Variants in NCOA1 observed in about 807,000 individuals in gnomAD.
The protein encoded by NCOA1 is Hin-2 protein.
Under a neutral mutation model 150.9 loss-of-function variants are expected in NCOA1, and 35 were observed. The ratio of observed to expected loss-of-function variants is 0.23; its 90% confidence interval spans 0.18 to 0.31. NCOA1 has a LOEUF of 0.31. NCOA1 is among the 10% of genes least tolerant of loss of function. The pLI is 1.00. For synonymous variants in NCOA1, 590 were observed against 630.0 expected (o/e 0.94, Z 0.95); for missense variants, 1,491 against 1,749.3 (o/e 0.85, Z 2.63).
chr2:24,729,806 A>G lies in NCOA1; in HGVS notation c.3192A>G (p.Gly1064=), dbSNP rs1489932692. ...LRLQLQQRLQ[G]QQQLIHQNRQ... ...TTCAACTACAGCAGCGATTACAGGGACAACAGCAGGTAAGTGCTCTTGTTT... is the reference window on the plus strand; with the variant it reads ...TTCAACTACAGCAGCGATTACAGGGGCAACAGCAGGTAAGTGCTCTTGTTT... Residue 1064 remains glycine, a synonymous_variant, in exon 17 of 23, where the codon GGA becomes GGG. Transcript: ENST00000348332. The G allele has an allele frequency of 1.9e-5, 31 of 1,612,244 alleles. No homozygotes were observed. The highest frequency in any genetic ancestry group is 2.5e-5 in the Non-Finnish European group (30 of 1,178,854).
At chr2:24,516,998 A>ACG (rs765324594) in intron 1 of NCOA1, among the ~76,000 whole-genome samples, 2,765 of 62,252 alleles carry the variant, frequency 0.044, 68 homozygotes, top group African/African-American at 0.06. Flanking sequence ...ATATATACAC[A>ACG]CGCGCGCACA....
intron 7 of NCOA1, among the ~76,000 whole-genome samples, chr2:24,675,682 C>T (rs982900417): frequency 1.3e-5 from 2 of 152,124 alleles, no homozygotes; most frequent in African/African-American, 4.8e-5. Flanking sequence ...GTCAGGAGTT[C>T]AAGAGCAGCC....
chr2:24,549,401 A>G (rs1197498639), intron 1 of NCOA1, among the ~76,000 whole-genome samples: 6 of 152,234 alleles, frequency 3.9e-5, no homozygotes, highest in Admixed American at 3.9e-4. Flanking sequence ...GGCTGCCACA[A>G]AGGTCTCTGA....
intron 17 of NCOA1, among the ~76,000 whole-genome samples, chr2:24,737,105 A>G (rs567756444): frequency 1.6e-4 from 24 of 152,322 alleles, no homozygotes; most frequent in African/African-American, 5.5e-4. Context: ...AGGACTAACA[A>G]CTAATCTCCT....
rs372668369 is a variant in NCOA1 at position 24,729,397 on chromosome 2, A to C, written c.2887-104A>C. ...TTTAGGTAGTAAACTTCTGGAGAGC[A>C]TGAATTCAGAATGAATATATGATGG... On this transcript the variant is annotated intron_variant, in intron 16 of 22. Transcript: ENST00000348332. The C allele has an allele frequency of 2.6e-5, 29 of 1,132,232 alleles. No individual in the cohort carries two copies. The East Asian group carries it at 2.7e-4, about 10-fold the overall frequency. 70.1% of individuals were successfully genotyped at this position (1,132,232 alleles called of 1,614,324 possible).
intron 1 of NCOA1, among the ~76,000 whole-genome samples, chr2:24,530,591 A>G (rs141667346): frequency 1.0e-3 from 155 of 152,330 alleles, no homozygotes; most frequent in African/African-American, 3.5e-3. Context: ...TGCAAATTAA[A>G]CATAATAAAC....
chr2:24,583,817 C>T (rs1321329077), intron 2 of NCOA1, among the ~76,000 whole-genome samples: 1 of 152,062 alleles, frequency 6.6e-6, no homozygotes, highest in Non-Finnish European at 1.5e-5. Flanking sequence ...AGCACATTTT[C>T]ACTCATATTG....
intron 3 of NCOA1, among the ~76,000 whole-genome samples, chr2:24,613,390 G>A (rs115394523): frequency 1.1e-3 from 162 of 152,294 alleles, no homozygotes; most frequent in Non-Finnish European, 2.0e-3. Context: ...TCAGCCCCAG[G>A]GGAGTGGGAA....
intron 3 of NCOA1, among the ~76,000 whole-genome samples, chr2:24,618,538 CA>C (rs2148402121): frequency 6.6e-6 from 1 of 152,126 alleles, no homozygotes; most frequent in South Asian, 2.1e-4. Flanking sequence ...TAACCTTAAC[CA>C]AGTGACTTTT....
At chr2:24,539,127 GT>G (rs956173558) in intron 1 of NCOA1, among the ~76,000 whole-genome samples, 12 of 146,728 alleles carry the variant, frequency 8.2e-5, no homozygotes, top group Admixed American at 1.3e-4. Flanking sequence ...TTGAAGGTGA[GT>G]TTTTTCCCCC....
chr2:24,691,721 G>A, intron 9 of NCOA1, 61 bp downstream of exon 9: 1 of 1,538,364 alleles, frequency 6.5e-7, no homozygotes, highest in Non-Finnish European at 8.8e-7. Flanking sequence ...GAAAAGAGAG[G>A]AAATTAATTA....
chr2:24,753,145 C>T (rs976814489), intron 20 of NCOA1, among the ~76,000 whole-genome samples: 3 of 152,122 alleles, frequency 2.0e-5, no homozygotes, highest in Non-Finnish European at 2.9e-5. Flanking sequence ...GGAACCATAT[C>T]TGTAATACAA....
At chr2:24,591,443 T>A (rs1183338043) in intron 3 of NCOA1, among the ~76,000 whole-genome samples, 4 of 152,212 alleles carry the variant, frequency 2.6e-5, no homozygotes, top group Non-Finnish European at 4.4e-5. Flanking sequence ...TTCTAAGACA[T>A]CTATGAAATA....
chr2:24,679,273 C>G (rs1351127868), intron 7 of NCOA1, among the ~76,000 whole-genome samples: 1 of 152,200 alleles, frequency 6.6e-6, no homozygotes, highest in Non-Finnish European at 1.5e-5. Context: ...AGGAAGATTC[C>G]TTTCCAGGAG....
intron 1 of NCOA1, among the ~76,000 whole-genome samples, chr2:24,534,551 A>G (rs1467862830): frequency 2.0e-5 from 3 of 151,948 alleles, no homozygotes; most frequent in African/African-American, 7.3e-5. Flanking sequence ...TAGGGTGTCA[A>G]TTTTAGATCT....
intron 4 of NCOA1, among the ~76,000 whole-genome samples, chr2:24,657,040 C>T (rs2148488821): frequency 6.6e-6 from 1 of 152,250 alleles, no homozygotes; most frequent in South Asian, 2.1e-4. Context: ...TTTGAAGAAC[C>T]TCCATGCTCT....
At chr2:24,653,831 A>G (rs779506100) in intron 4 of NCOA1, among the ~76,000 whole-genome samples, 19 of 152,184 alleles carry the variant, frequency 1.2e-4, no homozygotes, top group Non-Finnish European at 2.4e-4. Context: ...ACATGAAGTA[A>G]GCGTTAGCCA....
At chr2:24,741,685 C>G in intron 18 of NCOA1, 99 bp from the exon 19 acceptor site, 11 of 1,324,788 alleles carry the variant, frequency 8.3e-6, no homozygotes, top group South Asian at 1.5e-5. Context: ...TTGCTATGTA[C>G]TTTATTGCCC....
chr2:24,672,830 G>A (rs755690540), intron 6 of NCOA1, among the ~76,000 whole-genome samples: 2 of 152,088 alleles, frequency 1.3e-5, no homozygotes, highest in Admixed American at 6.6e-5. Context: ...AAGATGATGG[G>A]ATATGCAACA....
Sources: gnomAD v4.1 joint callset for allele counts (sites outside exome capture counted in the v4.1 genomes callset) on GRCh38, gnomAD v4.1.1 for gene constraint, MANE v1.5 for transcripts, NCBI Gene and HGNC (gene_info 2026-07-23, HGNC 2026-07-21) for gene names.